Variants in AGO2 observed in about 807,000 individuals in gnomAD.
AGO2 encodes the protein protein argonaute-2.
AGO2 carries 5 observed loss-of-function variants against 102.3 expected under a neutral mutation model. The ratio of observed to expected loss-of-function variants is 0.05; its 90% CI spans 0.03 to 0.10. AGO2 has a LOEUF of 0.10. AGO2 is among the 10% of genes least tolerant of loss of function. The pLI is 1.00. For missense variants in AGO2, 541 were observed against 1,183.7 expected (o/e 0.46, Z 7.97); for synonymous variants, 449 against 473.1 (o/e 0.95, Z 0.66).
At chr8:140,564,252 A>G (rs2073245925) in intron 3 of AGO2, among the ~76,000 whole-genome samples, 1 of 151,182 alleles carries the variant, frequency 6.6e-6, no homozygotes, top group African/African-American at 2.4e-5. Flanking sequence ...CAACAGAGGA[A>G]AGGGCCAGCT....
At chr8:140,554,054 A>T (rs1449762232) in intron 10 of AGO2, among the ~76,000 whole-genome samples, 1 of 152,220 alleles carries the variant, frequency 6.6e-6, no homozygotes, top group African/African-American at 2.4e-5. Flanking sequence ...GTTGGCTTAC[A>T]CAAGCTCTTC....
chr8:140,624,069 C>G (rs1047711662), intron 1 of AGO2, among the ~76,000 whole-genome samples: 1 of 152,086 alleles, frequency 6.6e-6, no homozygotes, highest in African/African-American at 2.4e-5. Context: ...AGGGCGAGCG[C>G]GATGGACCGT....
chr8:140,603,139 T>C (rs1313034186), intron 1 of AGO2, among the ~76,000 whole-genome samples: 2 of 152,124 alleles, frequency 1.3e-5, no homozygotes, highest in African/African-American at 4.8e-5. Context: ...ATGGTGCGGG[T>C]TGACTCAGGC....
At chr8:140,553,409 T>TG (rs780374338) in intron 10 of AGO2, among the ~76,000 whole-genome samples, 10 of 113,702 alleles carry the variant, frequency 8.8e-5, no homozygotes, top group African/African-American at 4.1e-4. Flanking sequence ...TTTTTGTTTT[T>TG]TGTTTTTTTT....
At chr8:140,606,102 T>A (rs1156436608) in intron 1 of AGO2, among the ~76,000 whole-genome samples, 2 of 152,254 alleles carry the variant, frequency 1.3e-5, no homozygotes, top group Non-Finnish European at 2.9e-5. Flanking sequence ...TAGAAAGGTC[T>A]ACTATAAGTA....
At position 140,633,076 on chromosome 8, in the gene AGO2, C is replaced by T. The variant is rs573855839; in HGVS notation, c.22+2409G>A. Among the ~76,000 whole-genome samples, 3 of 152,128 alleles carry T rather than the reference C, an allele frequency of 2.0e-5. No homozygotes were observed. The South Asian group carries it at 6.2e-4, about 32-fold the overall frequency. ...TACAGGCGTGCACCACCACGCCCAG[C>T]TAATTTTTGTATTTTTAGTAGAGAC... On this transcript the variant is annotated intron_variant, in intron 1 of 18. Transcript: ENST00000220592.
intron 1 of AGO2, among the ~76,000 whole-genome samples, chr8:140,620,823 C>A (rs1028845779): frequency 6.6e-6 from 1 of 152,100 alleles, no homozygotes; most frequent in African/African-American, 2.4e-5. Context: ...CCACTGCAAG[C>A]CAGCTTGGTT....
Position 140,556,197 on chromosome 8 carries a change from C to T in AGO2, c.1116G>A (p.Ala372=), listed in dbSNP as rs1369299531. The change falls in exon 9 of 19, where the codon GCG becomes GCA. Residue 372 remains alanine (A), a synonymous_variant. Coordinates refer to ENST00000220592, the MANE Select transcript of AGO2 (RefSeq NM_012154.5). The part of the protein sequence containing the change: ...STMIRATARS[A]PDRQEEISKL... ...TGCTAATCTCTTCTTGCCGATCGGG[C>T]GCCGACCTAGCAGTCGCTCTGATCA... 3.1e-6 allele frequency: 5 copies of T among 1,614,120 alleles called. No homozygotes were observed. Among genetic ancestry groups the T allele is most frequent in the Non-Finnish European group, 4.2e-6 (5 of 1,180,050 alleles).
In AGO2 at chr8:140,525,693, C is replaced by T. The variant is rs1588426389; in HGVS notation, c.*6351G>A. 3 of 152,364 alleles carry T rather than the reference C, an allele frequency of 2.0e-5. No individual in the cohort carries two copies. The highest frequency in any genetic ancestry group is 1.9e-4 in the East Asian group (1 of 5,178). The allele number at this position is 152,364 out of a possible 1,614,324, so 9.4% of individuals were successfully genotyped here. Reference sequence around the variant, plus strand: ...ACGGGGCCACCTCCAAACACCCAGACACCTCCAACTGTCAGATCATCGCCT... The same window carrying T: ...ACGGGGCCACCTCCAAACACCCAGATACCTCCAACTGTCAGATCATCGCCT... On this transcript the variant is annotated 3_prime_UTR_variant, in exon 19 of 19. Coordinates refer to ENST00000220592, the MANE Select transcript of AGO2 (RefSeq NM_012154.5).
intron 3 of AGO2, among the ~76,000 whole-genome samples, chr8:140,565,123 C>T (rs1036296285): frequency 1.0e-4 from 14 of 140,252 alleles, no homozygotes; most frequent in East Asian, 2.2e-4. Flanking sequence ...AAGAGTGAAA[C>T]GCTATCTCAA....
intron 1 of AGO2, among the ~76,000 whole-genome samples, chr8:140,632,707 TAAAC>T (rs1401775197): frequency 6.6e-6 from 1 of 152,234 alleles, no homozygotes; most frequent in African/African-American, 2.4e-5. Context: ...CCACCCATCT[TAAAC>T]AACTAACTCA....
chr8:140,570,051 G>A (rs2073354140), intron 3 of AGO2, among the ~76,000 whole-genome samples: 1 of 152,236 alleles, frequency 6.6e-6, no homozygotes, highest in Non-Finnish European at 1.5e-5. Flanking sequence ...ATGGACATGG[G>A]ACACCGCCTT....
At chr8:140,636,551 C>T (rs181543030), upstream of AGO2, 1 of 152,412 alleles carries the variant, frequency 6.6e-6, no homozygotes, top group East Asian at 1.9e-4. Flanking sequence ...ATTCCTTCAC[C>T]CCGTGGCATC....
At chr8:140,635,665 A>C (rs2074399295), upstream of AGO2, 1 of 303,164 alleles carries the variant, frequency 3.3e-6, no homozygotes, top group Non-Finnish European at 4.6e-6. Context: ...CGGCGGGCGG[A>C]GGCGGCGGCG....
At chr8:140,612,129 A>G (rs2074085714) in intron 1 of AGO2, among the ~76,000 whole-genome samples, 1 of 149,354 alleles carries the variant, frequency 6.7e-6, no homozygotes, top group African/African-American at 2.5e-5. Context: ...AGGCTGAGGC[A>G]GGAGAATCGC....
In AGO2 at chr8:140,598,566, G is replaced by T. The variant is rs541478973; in HGVS notation, c.23-13255C>A. 2.1e-3 allele frequency among the ~76,000 whole-genome samples: 319 copies of T among 152,318 alleles called. 3 individuals carry two copies. The highest frequency in any genetic ancestry group is 7.2e-3 in the African/African-American group (301 of 41,572). Reference sequence around the variant, plus strand: ...GATCACCGGTCCACTCTGCGCGGCAGCACCGCACCCCGGAGCCGCAGCTCT... The same window carrying T: ...GATCACCGGTCCACTCTGCGCGGCATCACCGCACCCCGGAGCCGCAGCTCT... On this transcript the variant is annotated intron_variant, in intron 1 of 18. Coordinates refer to ENST00000220592, the MANE Select transcript of AGO2 (RefSeq NM_012154.5).
intron 1 of AGO2, among the ~76,000 whole-genome samples, chr8:140,613,550 T>TCTGAATGTCC (rs1408928213): frequency 2.0e-5 from 3 of 152,204 alleles, no homozygotes; most frequent in Non-Finnish European, 4.4e-5. Flanking sequence ...AGAGCTGCCG[T>TCTGAATGTCC]CTGAATGTCC....
chr8:140,638,077 A>T (rs2074421781), upstream of AGO2: 1 of 152,220 alleles, frequency 6.6e-6, no homozygotes, highest in Admixed American at 6.5e-5. Flanking sequence ...ACAGCCAGGG[A>T]CATTTGCAGC....
intron 1 of AGO2, among the ~76,000 whole-genome samples, chr8:140,619,151 G>T (rs1298450931): frequency 1.3e-5 from 2 of 152,062 alleles, no homozygotes; most frequent in African/African-American, 4.8e-5. Context: ...CTGGCCCTGG[G>T]CTGCCCACAC....
Sources: allele counts gnomAD v4.1 joint callset (sites outside exome capture counted in the v4.1 genomes callset), GRCh38; gene constraint gnomAD v4.1.1; transcripts MANE v1.5; gene names NCBI Gene and HGNC (gene_info 2026-07-23, HGNC 2026-07-21).